Variants in GRIP2 observed in about 807,000 individuals in gnomAD.
GRIP2 encodes glutamate receptor interacting protein 2, also known as glutamate receptor-interacting protein 2.
A neutral mutation model predicts 108.3 loss-of-function variants in GRIP2; 58 were observed. That is an observed-to-expected ratio of 0.54 (90% CI 0.43 to 0.67). GRIP2 has a LOEUF of 0.67. GRIP2 is among the 30% of genes least tolerant of loss of function. The pLI, the probability that GRIP2 is intolerant of heterozygous loss-of-function variation, is 0.00. For missense variants in GRIP2, 1,278 were observed against 1,430.6 expected (o/e 0.89, Z 1.72); for synonymous variants, 586 against 598.2 (o/e 0.98, Z 0.30).
At chr3:14,551,026 G>A (rs1459272545) in intron 1 of GRIP2, among the ~76,000 whole-genome samples, 1 of 152,216 alleles carries the variant, frequency 6.6e-6, no homozygotes, top group African/African-American at 2.4e-5. Context: ...GAGTGAGCGG[G>A]AGGGGGGAGG....
intron 22 of GRIP2, 43 bp from the exon 23 acceptor site, chr3:14,495,032 T>G: frequency 6.2e-7 from 1 of 1,605,228 alleles, no homozygotes; most frequent in South Asian, 1.1e-5. Flanking sequence ...CTCTGACCTT[T>G]GCCCCCAGCC....
At chr3:14,590,546 T>G in the GRIP2 span, among the ~76,000 whole-genome samples, 4 of 152,250 alleles carry the variant, frequency 2.6e-5, no homozygotes, top group African/African-American at 9.6e-5. Flanking sequence ...AGAGAATGAA[T>G]AAGGCTCCCA....
At chr3:14,567,123 G>GAGC in the GRIP2 span, among the ~76,000 whole-genome samples, 1 of 152,098 alleles carries the variant, frequency 6.6e-6, no homozygotes, top group African/African-American at 2.4e-5. Flanking sequence ...AGGCCAGCTG[G>GAGC]AGCATTCAAT....
upstream of GRIP2, among the ~76,000 whole-genome samples, chr3:14,546,835 G>T (rs1177619891): frequency 6.6e-6 from 1 of 152,210 alleles, no homozygotes; most frequent in Non-Finnish European, 1.5e-5. Flanking sequence ...GGGAGATGGA[G>T]ATGGAAAGTC....
intron 13 of GRIP2, among the ~76,000 whole-genome samples, chr3:14,513,238 C>A (rs1305020192): frequency 2.0e-5 from 3 of 152,166 alleles, no homozygotes; most frequent in Admixed American, 1.3e-4. Context: ...TGGGCATATG[C>A]CTCACCTAAC....
At chr3:14,577,406 A>T in the GRIP2 span, among the ~76,000 whole-genome samples, 2 of 152,242 alleles carry the variant, frequency 1.3e-5, no homozygotes, top group African/African-American at 2.4e-5. Context: ...GAAGACACAG[A>T]GACAAAGCAG....
At chr3:14,590,858 G>A in the GRIP2 span, among the ~76,000 whole-genome samples, 18 of 152,302 alleles carry the variant, frequency 1.2e-4, no homozygotes, top group East Asian at 2.9e-3. Flanking sequence ...AGGGTTGCCC[G>A]ATCTTCCAAA....
chr3:14,541,005 G>A (rs917610828), upstream of GRIP2, among the ~76,000 whole-genome samples: 15 of 152,244 alleles, frequency 9.9e-5, no homozygotes, highest in Admixed American at 6.5e-5. Context: ...GGATCTGCCC[G>A]CCTCTGGGCT....
Position 14,512,765 on chromosome 3 carries a change from G to A in GRIP2, c.1720+12C>T, listed in dbSNP as rs367616856. The A allele has an allele frequency of 7.7e-5, 124 of 1,611,574 alleles. No homozygotes were observed. The African/African-American group carries it at 7.7e-4, about 10-fold the overall frequency. On this transcript the variant is annotated intron_variant, in intron 14 of 23. Transcript: ENST00000621039. The surrounding 1 kb of genome is among the most constrained non-coding windows in gnomAD (Gnocchi z 5.1). ...CGCTCCCAGGGGCAAACAGCAGCGG[G>A]AGGAGACTCACAGCTGATGGTGATG...
the GRIP2 span, among the ~76,000 whole-genome samples, chr3:14,564,471 A>T: frequency 3.3e-5 from 5 of 152,168 alleles, no homozygotes; most frequent in Non-Finnish European, 7.3e-5. Context: ...CGGCCTGCCG[A>T]GGGGGTTCAG....
rs569317865 is a variant in GRIP2 at position 14,539,337 on chromosome 3, A to G, written c.40+932T>C. ...TTCCTGGGTCGCTAAGGCTGGGTCC[A>G]GAGGTGACCTGGCTCTGCTCCTTGC... On this transcript the variant is annotated intron_variant, in intron 1 of 23. Transcript: ENST00000621039. Among the ~76,000 whole-genome samples, 16 of 152,306 alleles carry G rather than the reference A, an allele frequency of 1.1e-4. No homozygotes were observed. In the South Asian group the frequency reaches 3.1e-3, roughly 30 times the overall value.
At chr3:14,546,629 A>C (rs529797781), upstream of GRIP2, among the ~76,000 whole-genome samples, 2 of 152,314 alleles carry the variant, frequency 1.3e-5, no homozygotes, top group African/African-American at 4.8e-5. Context: ...AAACAGGAAG[A>C]AAAAGAAAAA....
chr3:14,601,148 A>C, the GRIP2 span, among the ~76,000 whole-genome samples: 1 of 152,098 alleles, frequency 6.6e-6, no homozygotes, highest in African/African-American at 2.4e-5. Context: ...AGTCCCTCTC[A>C]GGACATTACA....
At position 14,525,930 on chromosome 3, in the gene GRIP2, G is replaced by A. The variant is rs369716360; in HGVS notation, c.42C>T (p.Asp14=). The A allele has an allele frequency of 2.3e-5, 36 of 1,555,906 alleles. No individual in the cohort carries two copies. Among genetic ancestry groups the A allele is most frequent in the African/African-American group, 6.8e-5 (5 of 73,324 alleles). Residue 14 remains aspartate (D), a splice_region_variant and synonymous_variant, in exon 2 of 24, where the codon GAC becomes GAT. Transcript: ENST00000621039. The stretch of plus-strand genomic sequence containing the variant: ...TGCCTCCTTTGGAGTAGGGCCCATC[G>A]TCTGCAGGAGAGAAAGAGGGAAAGG... ...GLSRETPGEA[D]DGPYSKGGKD...
chr3:14,574,981 A>G, the GRIP2 span, among the ~76,000 whole-genome samples: 1 of 152,212 alleles, frequency 6.6e-6, no homozygotes, highest in Non-Finnish European at 1.5e-5. Context: ...ACATAAGGTG[A>G]TAACACCATA....
chr3:14,573,896 C>A, the GRIP2 span: 1 of 1,201,002 alleles, frequency 8.3e-7, no homozygotes, highest in African/African-American at 1.5e-5. Context: ...GGCAGCCCGA[C>A]CTGTCGTTGT....
upstream of GRIP2, among the ~76,000 whole-genome samples, chr3:14,560,134 G>C (rs1290038017): frequency 6.6e-6 from 1 of 151,744 alleles, no homozygotes; most frequent in East Asian, 1.9e-4. Flanking sequence ...CATGCCTATA[G>C]TCCCAGCTAC....
Position 14,521,882 on chromosome 3 carries a change from GA to G in GRIP2, c.567-96del. 2 of 1,125,464 alleles carry G rather than the reference GA, an allele frequency of 1.8e-6. No individual in the cohort carries two copies. The highest frequency in any genetic ancestry group is 2.4e-6 in the Non-Finnish European group (2 of 834,224). 69.7% of individuals were successfully genotyped at this position (1,125,464 alleles called of 1,614,324 possible). On this transcript the variant is annotated intron_variant, in intron 6 of 23. Transcript: ENST00000621039. The surrounding 1 kb of genome is among the most constrained non-coding windows in gnomAD (Gnocchi z 5.1). The stretch of plus-strand genomic sequence containing the variant: ...TGGGAAGCGGGACATGGAGGATGAA[GA>G]AGCAGGGAATGGGTGGGGGAGGAAG...
rs1693910451 is a variant in GRIP2 at position 14,505,816 on chromosome 3, T to C, written c.2399-27A>G. The C allele has an allele frequency of 6.7e-7, 1 of 1,486,250 alleles. No individual in the cohort carries two copies. The highest frequency in any genetic ancestry group is 8.9e-7 in the Non-Finnish European group (1 of 1,117,912). 92.1% of individuals were successfully genotyped at this position (1,486,250 alleles called of 1,614,324 possible). A position where few individuals can be genotyped will look rare whatever the true frequency, so the allele number is the denominator to read the frequency against. The stretch of plus-strand genomic sequence containing the variant: ...TGGTGGTGGAGAGAGGGCCTCTGTG[T>C]TCCCTGCGGCCTCACCTTGCCCTCC... On this transcript the variant is annotated intron_variant, in intron 19 of 23. Transcript: ENST00000621039. This position sits in a 1 kb window ranked among gnomAD's most constrained non-coding sequence, Gnocchi z 4.2.
Sources: allele counts gnomAD v4.1 joint callset (sites outside exome capture counted in the v4.1 genomes callset), GRCh38; gene constraint gnomAD v4.1.1; non-coding constraint Gnocchi (gnomAD v3.1); transcripts MANE v1.5; gene names NCBI Gene and HGNC (gene_info 2026-07-23, HGNC 2026-07-21).